VEPH1: variants seen among roughly 807,000 people sequenced by gnomAD.
The protein encoded by VEPH1 is ventricular zone expressed PH domain containing 1, also known as ventricular zone-expressed PH domain-containing protein homolog 1.
VEPH1 carries 80 observed loss-of-function variants against 85.2 expected under a neutral mutation model. The observed-to-expected ratio is 0.94, with a 90% CI of 0.78 to 1.13. The LOEUF is 1.13. VEPH1 is among the 50% of genes most tolerant of loss of function. The probability of loss-of-function intolerance (pLI) is 0.00; values close to 1 mark genes in which losing one functional copy is unlikely to be tolerated. For synonymous variants in VEPH1, 297 were observed against 348.0 expected (o/e 0.85, Z 1.63); for missense variants, 955 against 980.5 (o/e 0.97, Z 0.35).
chr3:157,267,397 G>A (rs375799962), intron 12 of VEPH1, among the ~76,000 whole-genome samples: 5 of 150,478 alleles, frequency 3.3e-5, no homozygotes, highest in African/African-American at 1.2e-4. Context: ...ATGCCCAGCC[G>A]AAATGTAGAG....
intron 12 of VEPH1, among the ~76,000 whole-genome samples, chr3:157,272,200 A>T (rs1714649481): frequency 2.1e-5 from 3 of 143,162 alleles, no homozygotes; most frequent in South Asian, 4.4e-4. Context: ...GTGGACAAGG[A>T]CTCTCTAGTA....
chr3:157,274,926 T>C (rs1715190957), intron 12 of VEPH1, among the ~76,000 whole-genome samples: 3 of 152,194 alleles, frequency 2.0e-5, no homozygotes, highest in Non-Finnish European at 4.4e-5. Flanking sequence ...AACCCAGTAA[T>C]AGATTGAGCT....
chr3:157,349,097 G>C (rs1331794422), intron 9 of VEPH1, among the ~76,000 whole-genome samples: 2 of 152,094 alleles, frequency 1.3e-5, no homozygotes, highest in Non-Finnish European at 2.9e-5. Flanking sequence ...AGCACTACAG[G>C]CCAATATCCC....
At chr3:157,469,938 C>T (rs1736764300) in intron 3 of VEPH1, among the ~76,000 whole-genome samples, 1 of 152,168 alleles carries the variant, frequency 6.6e-6, no homozygotes, top group Non-Finnish European at 1.5e-5. Context: ...CGCACTGCCC[C>T]TCAGTTCATT....
rs1189552530 is a variant in VEPH1 at position 157,437,739 on chromosome 3, G to C, written c.530-9251C>G. ...CCAGGCTGACCAGTGCTCTGGACGA[G>C]CTGCTGCAGGCGACCCGCGACGCGG... On this transcript the variant is annotated intron_variant, in intron 4 of 13. Coordinates refer to ENST00000362010, the MANE Select transcript of VEPH1 (RefSeq NM_001167912.2). 6.7e-7 allele frequency: 1 copy of C among 1,497,848 alleles called. No individual in the cohort carries two copies. The highest frequency in any genetic ancestry group is 2.2e-5 in the Admixed American group (1 of 44,446). 92.8% of individuals were successfully genotyped at this position (1,497,848 alleles called of 1,614,324 possible). A position where few individuals can be genotyped will look rare whatever the true frequency, so the allele number is the denominator to read the frequency against.
chr3:157,472,021 C>T (rs62280977), intron 2 of VEPH1, among the ~76,000 whole-genome samples: 26,016 of 152,026 alleles, frequency 0.17, 2,846 homozygotes, highest in East Asian at 0.36. Context: ...TCCCTGTCAG[C>T]GCTGTTCCTC....
chr3:157,413,645 G>C, intron 6 of VEPH1: 2 of 985,218 alleles, frequency 2.0e-6, no homozygotes, highest in Non-Finnish European at 2.4e-6. Flanking sequence ...TGATTCAGAG[G>C]CCATTGTCCA....
intron 2 of VEPH1, among the ~76,000 whole-genome samples, chr3:157,483,015 T>C (rs1188108032): frequency 6.6e-6 from 1 of 152,098 alleles, no homozygotes; most frequent in East Asian, 1.9e-4. Context: ...TACTTAATAA[T>C]GTATTGAACA....
intron 4 of VEPH1, among the ~76,000 whole-genome samples, chr3:157,458,319 G>A (rs576581980): frequency 3.3e-5 from 5 of 152,002 alleles, no homozygotes; most frequent in African/African-American, 7.2e-5. Context: ...TGTCTTAATC[G>A]CCTTCAGCTC....
intron 4 of VEPH1, among the ~76,000 whole-genome samples, chr3:157,445,643 G>C (rs893928198): frequency 6.9e-6 from 1 of 144,444 alleles, no homozygotes; most frequent in African/African-American, 2.8e-5. Context: ...ACATAAATTA[G>C]CTGGGTGTAG....
At chr3:157,388,506 C>T (rs76271707) in intron 6 of VEPH1, among the ~76,000 whole-genome samples, 6,536 of 152,172 alleles carry the variant, frequency 0.043, 453 homozygotes, top group African/African-American at 0.15. Context: ...CAAATCAGGA[C>T]AGTTGACCAC....
At chr3:157,271,669 T>C (rs1270565160) in intron 12 of VEPH1, among the ~76,000 whole-genome samples, 1 of 152,136 alleles carries the variant, frequency 6.6e-6, no homozygotes. Context: ...TGCTTACTGG[T>C]GTCCCCAGTG....
intron 11 of VEPH1, among the ~76,000 whole-genome samples, chr3:157,308,623 G>A (rs371863943): frequency 6.6e-6 from 1 of 152,006 alleles, no homozygotes. Flanking sequence ...CCTTCTGGCT[G>A]TATTTTACCA....
At chr3:157,410,902 T>C (rs564583282) in intron 6 of VEPH1, among the ~76,000 whole-genome samples, 89 of 152,296 alleles carry the variant, frequency 5.8e-4, no homozygotes, top group Admixed American at 1.6e-3. Context: ...CAACAGCTGT[T>C]TGTTCTTCAT....
At chr3:157,397,283 G>A (rs1190612672) in intron 6 of VEPH1, among the ~76,000 whole-genome samples, 6 of 152,088 alleles carry the variant, frequency 3.9e-5, no homozygotes, top group Admixed American at 3.9e-4. Flanking sequence ...CTGTTCCATT[G>A]GTCTATGTGT....
At chr3:157,303,527 C>G (rs1367399584) in intron 11 of VEPH1, among the ~76,000 whole-genome samples, 1 of 152,170 alleles carries the variant, frequency 6.6e-6, no homozygotes, top group Non-Finnish European at 1.5e-5. Context: ...TATATGGAAC[C>G]ATTTTTCTCT....
intron 7 of VEPH1, among the ~76,000 whole-genome samples, chr3:157,371,193 C>T (rs9883103): frequency 0.41 from 62,919 of 151,978 alleles, 13,853 homozygotes; most frequent in East Asian, 0.75. Flanking sequence ...TTAAACAGTG[C>T]GTACTAAAAG....
At chr3:157,301,359 T>A (rs1718779910) in intron 11 of VEPH1, among the ~76,000 whole-genome samples, 1 of 152,146 alleles carries the variant, frequency 6.6e-6, no homozygotes, top group Non-Finnish European at 1.5e-5. Context: ...GGAAATAACC[T>A]TTTTTTGTTT....
chr3:157,470,292 C>T (rs1286899235), intron 3 of VEPH1, 22 bp downstream of exon 3: 1 of 1,610,440 alleles, frequency 6.2e-7, no homozygotes. Context: ...ATCAAATAGC[C>T]TGATGTTGAA....
Sources: allele counts gnomAD v4.1 joint callset (sites outside exome capture counted in the v4.1 genomes callset), GRCh38; gene constraint gnomAD v4.1.1; transcripts MANE v1.5; gene names NCBI Gene and HGNC (gene_info 2026-07-23, HGNC 2026-07-21).